Variants in AKT3 observed in about 807,000 individuals in gnomAD.
The protein encoded by AKT3 is AKT serine/threonine kinase 3, also known as RAC-gamma serine/threonine-protein kinase.
AKT3 carries 15 observed loss-of-function variants against 65.3 expected under a neutral mutation model. The observed-to-expected ratio is 0.23, with a 90% confidence interval of 0.15 to 0.35. AKT3 has a LOEUF of 0.35. AKT3 is among the 10% of genes least tolerant of loss of function. The probability of loss-of-function intolerance (pLI) is 1.00; values close to 1 mark genes in which losing one functional copy is unlikely to be tolerated. For missense variants in AKT3, 243 were observed against 576.5 expected, an observed-to-expected ratio of 0.42 and a Z score of 5.92; for synonymous variants, 206 against 183.8, an observed-to-expected ratio of 1.12 and a Z score of -0.98.
intron 8 of AKT3, among the ~76,000 whole-genome samples, chr1:243,599,578 G>C (rs184825649): frequency 6.6e-6 from 1 of 152,170 alleles, no homozygotes; most frequent in Admixed American, 6.5e-5. Context: ...GATGAGAAAA[G>C]ATACATATTC....
At chr1:243,784,369 G>GATT (rs1691113369) in intron 2 of AKT3, among the ~76,000 whole-genome samples, 1 of 151,584 alleles carries the variant, frequency 6.6e-6, no homozygotes, top group African/African-American at 2.4e-5. Context: ...GAAACCCAGG[G>GATT]GTCAATCCAG....
At chr1:243,847,314 C>G (rs1572449837) in intron 1 of AKT3, among the ~76,000 whole-genome samples, 1 of 152,136 alleles carries the variant, frequency 6.6e-6, no homozygotes, top group African/African-American at 2.4e-5. Context: ...CTTAATCACA[C>G]TATAAAGACA....
chr1:243,491,662 G>C (rs1000268228), intron 13 of AKT3, among the ~76,000 whole-genome samples: 12 of 152,196 alleles, frequency 7.9e-5, no homozygotes, highest in African/African-American at 2.7e-4. Flanking sequence ...GAATCAGCTT[G>C]AGTTGTGAGT....
At chr1:243,783,123 G>C (rs188147057) in intron 2 of AKT3, among the ~76,000 whole-genome samples, 2 of 152,106 alleles carry the variant, frequency 1.3e-5, no homozygotes, top group Admixed American at 6.6e-5. Flanking sequence ...GGAGTGACAA[G>C]AGTGTCCTTT....
At chr1:243,621,122 T>C (rs1261911731) in intron 6 of AKT3, among the ~76,000 whole-genome samples, 1 of 152,126 alleles carries the variant, frequency 6.6e-6, no homozygotes, top group African/African-American at 2.4e-5. Flanking sequence ...GCCTGGTAGG[T>C]ATACTTAAAT....
At chr1:243,803,693 T>A (rs74151220) in intron 2 of AKT3, among the ~76,000 whole-genome samples, 2 of 125,356 alleles carry the variant, frequency 1.6e-5, no homozygotes, top group Non-Finnish European at 3.4e-5. Flanking sequence ...CACACACACA[T>A]AAGACTGAAA....
chr1:243,845,285 G>A (rs1695464659), intron 1 of AKT3, among the ~76,000 whole-genome samples: 1 of 150,476 alleles, frequency 6.6e-6, no homozygotes, highest in Non-Finnish European at 1.5e-5. Flanking sequence ...AGGTAAGGCT[G>A]AGACTCCTCA....
At chr1:243,642,373 G>C (rs576991143) in intron 5 of AKT3, among the ~76,000 whole-genome samples, 1 of 152,222 alleles carries the variant, frequency 6.6e-6, no homozygotes, top group Non-Finnish European at 1.5e-5. Flanking sequence ...GCAGTGGCAC[G>C]ATCTCGGCTC....
At chr1:243,772,882 T>C (rs1690280071) in intron 2 of AKT3, among the ~76,000 whole-genome samples, 1 of 151,906 alleles carries the variant, frequency 6.6e-6, no homozygotes, top group African/African-American at 2.4e-5. Flanking sequence ...TTCATGTCCT[T>C]TGTAGGGACA....
At chr1:243,634,231 G>C (rs951905460) in intron 6 of AKT3, among the ~76,000 whole-genome samples, 9 of 151,576 alleles carry the variant, frequency 5.9e-5, no homozygotes, top group African/African-American at 2.2e-4. Context: ...ACAATACATT[G>C]GTTTTTTAAT....
intron 6 of AKT3, among the ~76,000 whole-genome samples, chr1:243,635,297 A>C (rs965665336): frequency 6.6e-5 from 10 of 152,072 alleles, no homozygotes; most frequent in Non-Finnish European, 1.0e-4. Context: ...GCTAAGGGAG[A>C]AATTTAAAGC....
chr1:243,563,927 T>A, intron 9 of AKT3, 79 bp from the exon 10 acceptor site: 1 of 1,400,430 alleles, frequency 7.1e-7, no homozygotes, highest in Non-Finnish European at 9.6e-7. Flanking sequence ...AACTACTGAA[T>A]GCTGAGTAAG....
At chr1:243,659,134 T>C (rs1682067599) in intron 4 of AKT3, among the ~76,000 whole-genome samples, 2 of 152,326 alleles carry the variant, frequency 1.3e-5, no homozygotes, top group South Asian at 2.1e-4. Context: ...TGGATTAACT[T>C]TGAAGACATT....
chr1:243,770,306 G>A lies in AKT3; in HGVS notation c.46+72819C>T, dbSNP rs544017079. Among the ~76,000 whole-genome samples, 10 of 152,026 alleles carry A rather than the reference G, an allele frequency of 6.6e-5. No individual in the cohort carries two copies. In the South Asian group the frequency reaches 2.1e-3, roughly 32 times the overall value. The stretch of plus-strand genomic sequence containing the variant: ...TTCTGGGGTAGGAAAAGCCTTAGAG[G>A]GCATTATCCTATCCCATTATTTAAT... On this transcript the variant is annotated intron_variant, in intron 2 of 13. Transcript: ENST00000673466.
At chr1:243,779,214 T>C (rs1415758009) in intron 2 of AKT3, among the ~76,000 whole-genome samples, 1 of 152,186 alleles carries the variant, frequency 6.6e-6, no homozygotes, top group Non-Finnish European at 1.5e-5. Flanking sequence ...ACCTTGTATA[T>C]ATCACATAAC....
intron 4 of AKT3, among the ~76,000 whole-genome samples, chr1:243,658,807 T>TG (rs1460382623): frequency 6.7e-6 from 1 of 149,868 alleles, no homozygotes; most frequent in South Asian, 2.1e-4. Context: ...GGAGGAGTAT[T>TG]GCTTGAGGCC....
chr1:243,572,775 C>T, intron 9 of AKT3, 151 bp downstream of exon 9: 1 of 847,304 alleles, frequency 1.2e-6, no homozygotes, highest in Non-Finnish European at 1.7e-6. Flanking sequence ...ATAAAATTTC[C>T]TTCAAATGTA....
intron 2 of AKT3, among the ~76,000 whole-genome samples, chr1:243,808,520 T>A (rs1475803626): frequency 1.3e-5 from 2 of 152,120 alleles, no homozygotes; most frequent in Non-Finnish European, 2.9e-5. Context: ...CCAAGAAATA[T>A]GGGACTATGT....
intron 4 of AKT3, among the ~76,000 whole-genome samples, chr1:243,650,215 G>A (rs1390636264): frequency 6.6e-6 from 1 of 152,086 alleles, no homozygotes; most frequent in Non-Finnish European, 1.5e-5. Flanking sequence ...TGTCTTTTGA[G>A]AAGTGTCTGT....
Sources: allele counts gnomAD v4.1 joint callset (sites outside exome capture counted in the v4.1 genomes callset), GRCh38; gene constraint gnomAD v4.1.1; transcripts MANE v1.5; gene names NCBI Gene and HGNC (gene_info 2026-07-23, HGNC 2026-07-21).